The following GPC6 variants were observed in gnomAD, a reference collection of about 807,000 sequenced individuals.
GPC6 encodes the protein glypican-6.
In GPC6, 14 loss-of-function variants were observed where a neutral mutation model predicts 55.2. The observed-to-expected ratio is 0.25, with a 90% CI of 0.17 to 0.40. The LOEUF (loss-of-function observed/expected upper bound fraction) is 0.40, where lower values mean the gene tolerates loss of function less well. GPC6 is among the 10% of genes least tolerant of loss of function. GPC6 has a pLI of 1.00. For synonymous variants in GPC6, 278 were observed against 259.6 expected, an observed-to-expected ratio of 1.07 and a Z score of -0.68; for missense variants, 641 against 708.5, an observed-to-expected ratio of 0.90 and a Z score of 1.08.
intron 2 of GPC6, among the ~76,000 whole-genome samples, chr13:93,622,847 G>A (rs969555310): frequency 5.3e-5 from 8 of 152,180 alleles, no homozygotes; most frequent in African/African-American, 1.9e-4. Flanking sequence ...TAGAGTACCA[G>A]AACTTATTTC....
chr13:94,074,514 T>C (rs1021084935), intron 4 of GPC6, among the ~76,000 whole-genome samples: 1 of 152,232 alleles, frequency 6.6e-6, no homozygotes, highest in African/African-American at 2.4e-5. Context: ...CACTTGAATT[T>C]TATCACCCTT....
At chr13:93,858,147 T>C (rs1888686005) in intron 3 of GPC6, among the ~76,000 whole-genome samples, 1 of 151,650 alleles carries the variant, frequency 6.6e-6, no homozygotes, top group South Asian at 2.1e-4. Context: ...GATTAGTTGC[T>C]ATTGATATTT....
intron 2 of GPC6, among the ~76,000 whole-genome samples, chr13:93,758,859 C>T (rs372203619): frequency 3.9e-5 from 6 of 152,008 alleles, no homozygotes; most frequent in African/African-American, 9.7e-5. Context: ...TGTTCTTGTT[C>T]GCAGGTTTAA....
At chr13:93,359,157 G>A (rs1366278138) in intron 1 of GPC6, among the ~76,000 whole-genome samples, 4 of 151,566 alleles carry the variant, frequency 2.6e-5, no homozygotes, top group Non-Finnish European at 5.9e-5. Flanking sequence ...ATAGAGGCTG[G>A]GTCTCAGCAT....
At position 93,895,234 on chromosome 13, in the gene GPC6, GTATATATATATATATATATA is replaced by G. The variant is rs60375718; in HGVS notation, c.711+64713_711+64732del. Among the ~76,000 whole-genome samples, 656 of 108,146 alleles carry G rather than the reference GTATATATATATATATATATA, an allele frequency of 6.1e-3. 35 individuals carry two copies. The highest frequency in any genetic ancestry group is 0.043 in the Middle Eastern group (8 of 186). 70.9% of individuals were successfully genotyped at this position (108,146 alleles called of 152,430 possible). On this transcript the variant is annotated intron_variant, in intron 3 of 8. Coordinates refer to ENST00000377047, the MANE Select transcript of GPC6 (RefSeq NM_005708.5). The stretch of plus-strand genomic sequence containing the variant: ...TGTGTGTGTATGTATGTGTGTGTGT[GTATATATATATATATATATA>G]TATATATATATATATATATATATGT...
At chr13:93,813,976 T>C (rs749002871) in intron 2 of GPC6, among the ~76,000 whole-genome samples, 1 of 152,180 alleles carries the variant, frequency 6.6e-6, no homozygotes, top group Non-Finnish European at 1.5e-5. Flanking sequence ...ACAATAGTTT[T>C]GCCAGTGGTA....
At position 93,983,441 on chromosome 13, in the gene GPC6, T is replaced by A. The variant is rs79101353; in HGVS notation, c.712-44288T>A. Among the ~76,000 whole-genome samples the A allele has an allele frequency of 4.1e-3, 624 of 152,156 alleles. 9 individuals carry two copies. Among genetic ancestry groups the A allele is most frequent in the African/African-American group, 0.014 (593 of 41,516 alleles). On this transcript the variant is annotated intron_variant, in intron 3 of 8. Coordinates refer to ENST00000377047, the MANE Select transcript of GPC6 (RefSeq NM_005708.5). Reference sequence around the variant, plus strand: ...TATTAAATTCATCGTGTTTTTTTTTTAATTACTTTTTAGAGATGGGGTCTT... The same window carrying A: ...TATTAAATTCATCGTGTTTTTTTTTAAATTACTTTTTAGAGATGGGGTCTT...
chr13:93,227,413 G>T lies in GPC6; in HGVS notation c.-44G>T. ...CGGCTTGAGGGGCAAGGTGAAGAGC[G>T]CACCGGCCGTGGGGTTTACCGAGCT... On this transcript the variant is annotated 5_prime_UTR_variant, in exon 1 of 9. Coordinates refer to ENST00000377047, the MANE Select transcript of GPC6 (RefSeq NM_005708.5). The surrounding 1 kb of genome is among the most constrained non-coding windows in gnomAD (Gnocchi z 4.3). 6.2e-7 allele frequency: 1 copy of T among 1,603,196 alleles called. No homozygotes were observed. Among genetic ancestry groups the T allele is most frequent in the African/African-American group, 1.3e-5 (1 of 74,800 alleles).
chr13:93,231,401 A>ATACATATATATATATATG (rs1876045254), intron 1 of GPC6, among the ~76,000 whole-genome samples: 1 of 29,596 alleles, frequency 3.4e-5, no homozygotes, highest in Non-Finnish European at 6.3e-5. Context: ...ATATATGTAT[A>ATACATATATATATATATG]TATATATATA....
intron 3 of GPC6, among the ~76,000 whole-genome samples, chr13:94,024,631 C>A (rs1882823794): frequency 6.6e-6 from 1 of 152,084 alleles, no homozygotes; most frequent in African/African-American, 2.4e-5. Context: ...CCACATTTAA[C>A]TTGAACAACA....
intron 1 of GPC6, among the ~76,000 whole-genome samples, chr13:93,234,749 G>A (rs1876177087): frequency 6.6e-6 from 1 of 150,842 alleles, no homozygotes; most frequent in Admixed American, 6.6e-5. Context: ...GAAGAGAGAA[G>A]TAAGTGTCCC....
intron 1 of GPC6, among the ~76,000 whole-genome samples, chr13:93,365,357 A>T (rs992066050): frequency 6.6e-6 from 1 of 152,100 alleles, no homozygotes; most frequent in Admixed American, 6.6e-5. Flanking sequence ...CCTGTATAAG[A>T]TTCTCAAACT....
chr13:94,082,761 T>C (rs1022704833), intron 4 of GPC6, among the ~76,000 whole-genome samples: 2 of 152,204 alleles, frequency 1.3e-5, no homozygotes, highest in Admixed American at 6.5e-5. Context: ...GTAGAGGATG[T>C]ATCCTCCGTG....
intron 4 of GPC6, among the ~76,000 whole-genome samples, chr13:94,095,144 A>G (rs927085608): frequency 6.6e-6 from 1 of 152,122 alleles, no homozygotes; most frequent in Admixed American, 6.5e-5. Flanking sequence ...TCCCCAAGGT[A>G]TATATAGGTA....
rs559990839 is a variant in GPC6 at position 94,236,899 on chromosome 13, T to C, written c.878-49450T>C. 3.3e-5 allele frequency among the ~76,000 whole-genome samples: 5 copies of C among 151,178 alleles called. No individual in the cohort carries two copies. In the South Asian group the frequency reaches 1.0e-3, roughly 32 times the overall value. ...AAAAGCAGAAAGCTTTTTTTTTTTT[T>C]TCTCCTGAAAATTTTGGGCATGTAA... On this transcript the variant is annotated intron_variant, in intron 4 of 8. Transcript: ENST00000377047.
At chr13:93,803,490 G>A (rs1341692453) in intron 2 of GPC6, among the ~76,000 whole-genome samples, 1 of 152,122 alleles carries the variant, frequency 6.6e-6, no homozygotes, top group African/African-American at 2.4e-5. Context: ...TGGTGGGAAT[G>A]CAAAATGATA....
intron 3 of GPC6, among the ~76,000 whole-genome samples, chr13:93,949,514 A>C (rs1879159319): frequency 6.6e-6 from 1 of 152,206 alleles, no homozygotes; most frequent in Non-Finnish European, 1.5e-5. Flanking sequence ...TATATTATAC[A>C]TGAGAACAGA....
chr13:93,463,477 G>A (rs958303559), intron 1 of GPC6, among the ~76,000 whole-genome samples: 3 of 152,156 alleles, frequency 2.0e-5, no homozygotes, highest in African/African-American at 7.2e-5. Flanking sequence ...TGTGATTCAA[G>A]TACTAGATCC....
intron 3 of GPC6, among the ~76,000 whole-genome samples, chr13:94,022,221 G>T (rs1351363050): frequency 6.6e-6 from 1 of 151,748 alleles, no homozygotes; most frequent in Non-Finnish European, 1.5e-5. Flanking sequence ...TTTCATCCTT[G>T]ACTTATATAT....
Sources: allele counts gnomAD v4.1 joint callset (sites outside exome capture counted in the v4.1 genomes callset), GRCh38; gene constraint gnomAD v4.1.1; non-coding constraint Gnocchi (gnomAD v3.1); transcripts MANE v1.5; gene names NCBI Gene and HGNC (gene_info 2026-07-23, HGNC 2026-07-21).